GBP6: variants seen among roughly 807,000 people sequenced by gnomAD.
GBP6 encodes guanylate binding protein family member 6.
Under a neutral mutation model 61.5 loss-of-function variants are expected in GBP6, and 54 were observed. The ratio of observed to expected loss-of-function variants is 0.88; its 90% CI spans 0.71 to 1.10. The LOEUF is 1.10. Among genes scored for constraint, GBP6 ranks in the 50% least tolerant of loss-of-function variants. The probability of loss-of-function intolerance (pLI) is 0.00; values close to 1 mark genes in which losing one functional copy is unlikely to be tolerated. For synonymous variants in GBP6, 255 were observed against 273.7 expected, an observed-to-expected ratio of 0.93 and a Z score of 0.67; for missense variants, 748 against 752.8, an observed-to-expected ratio of 0.99 and a Z score of 0.07.
Position 89,384,107 on chromosome 1 carries a change from A to G in GBP6, c.1483A>G (p.Lys495Glu). ...EKAVAVDRAKKEAAEKEQELL... is the reference protein window; with the variant it reads ...EKAVAVDRAKEEAAEKEQELL... ...TCATGGAGCAGTGGATCGGGCCAAGAAGGAGGCAGCTGAGAAGGAACAGGA... is the reference window on the plus strand; with the variant it reads ...TCATGGAGCAGTGGATCGGGCCAAGGAGGAGGCAGCTGAGAAGGAACAGGA... Residue 495 changes from lysine (K) to glutamate (E), a missense_variant, in exon 10 of 11, where the codon AAG becomes GAG. By Grantham distance (56) the Lys-to-Glu change is moderately conservative. Transcript: ENST00000370456. 1 of 1,612,290 alleles carries G rather than the reference A, an allele frequency of 6.2e-7. No individual in the cohort carries two copies. The highest frequency in any genetic ancestry group is 8.5e-7 in the Non-Finnish European group (1 of 1,179,278).
rs747553700 is a variant in GBP6, at chr1:89,383,693, G to A, written c.1407G>A (p.Val469=). The part of the protein sequence containing the change: ...VFQRFLESQM[V]IEESILQSDK... ...AGAGGTTCCTGGAGTCACAGATGGT[G>A]ATAGAGGAATCCATCTTGCAGTCAG... Residue 469 remains valine, a synonymous_variant, in exon 9 of 11, where the codon GTG becomes GTA. Coordinates refer to ENST00000370456, the MANE Select transcript of GBP6 (RefSeq NM_198460.3). 10 of 1,612,706 alleles carry A rather than the reference G, an allele frequency of 6.2e-6. No homozygotes were observed. Among genetic ancestry groups the A allele is most frequent in the Non-Finnish European group, 7.6e-6 (9 of 1,179,710 alleles).
At chr1:89,379,724 T>C (rs1213605502) in intron 5 of GBP6, among the ~76,000 whole-genome samples, 1 of 152,258 alleles carries the variant, frequency 6.6e-6, no homozygotes, top group Non-Finnish European at 1.5e-5. Flanking sequence ...TCGTTGTTGC[T>C]TTCATTTTTC....
intron 3 of GBP6, among the ~76,000 whole-genome samples, chr1:89,370,504 T>G (rs769092290): frequency 9.9e-5 from 15 of 152,222 alleles, no homozygotes; most frequent in Non-Finnish European, 2.1e-4. Flanking sequence ...ATAAACATTA[T>G]AAGATGAATT....
chr1:89,385,484 G>A lies in GBP6; in HGVS notation c.*15G>A. 1.2e-6 allele frequency: 2 copies of A among 1,606,784 alleles called. No individual in the cohort carries two copies. The highest frequency in any genetic ancestry group is 4.5e-5 in the East Asian group (2 of 44,736). On this transcript the variant is annotated 3_prime_UTR_variant, in exon 11 of 11. Transcript: ENST00000370456. Reference sequence around the variant, plus strand: ...TCCCCTTTTAAGGATATTATAGATTGTACATATATGCTTTGGACTATTTTT... The same window carrying A: ...TCCCCTTTTAAGGATATTATAGATTATACATATATGCTTTGGACTATTTTT...
In GBP6 at chr1:89,385,442, C is replaced by T; in HGVS notation, c.1875C>T (p.Leu625=). ...ATGGTGTCAAAGGTGTGAGCTCACT[C>T]TTTAAAAAGCATAAGCTCCCCTTTT... is the stretch of plus-strand genomic sequence containing the variant. ...IGHGVKGVSS[L]FKKHKLPF is the part of the protein sequence containing the mutation. The change falls in exon 11 of 11, where the codon CTC becomes CTT. Residue 625 remains leucine, a synonymous_variant. Transcript: ENST00000370456. The T allele has an allele frequency of 6.2e-7, 1 of 1,613,864 alleles. No individual in the cohort carries two copies. The highest frequency in any genetic ancestry group is 8.5e-7 in the Non-Finnish European group (1 of 1,179,924).
At position 89,382,728 on chromosome 1, in the gene GBP6, G is replaced by A. The variant is rs748171558; in HGVS notation, c.1217G>A (p.Cys406Tyr). The change falls in exon 8 of 11, where the codon TGC becomes TAC. Residue 406 changes from cysteine (C) to tyrosine (Y), a missense_variant. Coordinates refer to ENST00000370456, the MANE Select transcript of GBP6 (RefSeq NM_198460.3). ...LQNEESSVQY[C>Y]QAKLNELSKG... Reference sequence around the variant, plus strand: ...AATGAAGAGTCATCTGTTCAATACTGCCAGGCTAAACTCAATGAGCTCTCA... The same window carrying A: ...AATGAAGAGTCATCTGTTCAATACTACCAGGCTAAACTCAATGAGCTCTCA... 16 of 1,614,100 alleles carry A rather than the reference G, an allele frequency of 9.9e-6. No individual in the cohort carries two copies. The highest frequency in any genetic ancestry group is 1.4e-5 in the Non-Finnish European group (16 of 1,179,972).
intron 1 of GBP6, among the ~76,000 whole-genome samples, chr1:89,367,600 T>G (rs1402035769): frequency 2.0e-5 from 3 of 152,236 alleles, no homozygotes; most frequent in Non-Finnish European, 2.9e-5. Context: ...TTCCATAGAT[T>G]GCCTTTTTAC....
intron 3 of GBP6, among the ~76,000 whole-genome samples, chr1:89,375,607 T>TC (rs1652783675): frequency 6.6e-6 from 1 of 151,948 alleles, no homozygotes; most frequent in African/African-American, 2.4e-5. Flanking sequence ...ATAAGGATTT[T>TC]TTTTTGCTAT....
At chr1:89,368,765 G>T (rs746387132) in intron 2 of GBP6, 24 bp downstream of exon 2, 4 of 1,592,296 alleles carry the variant, frequency 2.5e-6, no homozygotes, top group South Asian at 1.1e-5. Context: ...TGGGACACAG[G>T]CCAGTTGCTT....
Position 89,380,390 on chromosome 1 carries a change from TA to T in GBP6, c.632del (p.Asn211IlefsTer36), listed in dbSNP as rs1652934578. The T allele has an allele frequency of 6.2e-7, 1 of 1,612,744 alleles. No homozygotes were observed. Among genetic ancestry groups the T allele is most frequent in the Non-Finnish European group, 8.5e-7 (1 of 1,179,068 alleles). ...CTGTTTTTTTTTATCCCTCAGGCAA[TA>T]ATCCCAGAGTTCAAACATCCAATTT... Reference protein sequence around the residue: ...ENALKLIQGNNPRVQTSNFPR... With the variant: ...ENALKLIQGNXPRVQTSNFPR... On this transcript the variant is annotated frameshift_variant, in exon 6 of 11. Transcript: ENST00000370456. LOFTEE classifies it high-confidence loss of function.
chr1:89,370,711 T>C (rs1210681398), intron 3 of GBP6, among the ~76,000 whole-genome samples: 1 of 152,236 alleles, frequency 6.6e-6, no homozygotes, highest in Non-Finnish European at 1.5e-5. Flanking sequence ...AATTAAGCTG[T>C]ACAACTTAAT....
chr1:89,370,553 A>C (rs1652599599), intron 3 of GBP6, among the ~76,000 whole-genome samples: 2 of 152,142 alleles, frequency 1.3e-5, no homozygotes, highest in South Asian at 2.1e-4. Flanking sequence ...GAAATAAATA[A>C]TTTCTCTCTT....
chr1:89,372,764 C>T (rs1652681952), intron 3 of GBP6, among the ~76,000 whole-genome samples: 1 of 152,172 alleles, frequency 6.6e-6, no homozygotes, highest in African/African-American at 2.4e-5. Flanking sequence ...GCAAAGACTT[C>T]ATGTCTAAAA....
At chr1:89,380,008 C>G (rs1040207074) in intron 5 of GBP6, among the ~76,000 whole-genome samples, 11 of 152,086 alleles carry the variant, frequency 7.2e-5, no homozygotes, top group African/African-American at 2.4e-4. Context: ...TGTCATGGTG[C>G]ACACCTGTAG....
Position 89,378,458 on chromosome 1 carries a change from CCCCAAGG to C in GBP6, c.473_479del (p.Pro158LeufsTer4). The C allele has an allele frequency of 6.2e-7, 1 of 1,614,138 alleles. No individual in the cohort carries two copies. The highest frequency in any genetic ancestry group is 1.3e-5 in the African/African-American group (1 of 75,048). ...ACAGAACTAATTAAGGCAAAGTCCTCCCCAAGGCCTGATGGAGTAGAAGATTCCACAG... is the reference window on the plus strand; with the variant it reads ...ACAGAACTAATTAAGGCAAAGTCCTCCCTGATGGAGTAGAAGATTCCACAG... On this transcript the variant is annotated frameshift_variant, in exon 5 of 11. Coordinates refer to ENST00000370456, the MANE Select transcript of GBP6 (RefSeq NM_198460.3). LOFTEE classifies it high-confidence loss of function.
At chr1:89,379,480 C>T (rs534891377) in intron 5 of GBP6, among the ~76,000 whole-genome samples, 7 of 152,274 alleles carry the variant, frequency 4.6e-5, no homozygotes, top group African/African-American at 1.4e-4. Context: ...ATATCATCTA[C>T]AAAAATGATT....
chr1:89,372,142 C>A (rs1285210590), intron 3 of GBP6, among the ~76,000 whole-genome samples: 1 of 152,184 alleles, frequency 6.6e-6, no homozygotes, highest in African/African-American at 2.4e-5. Flanking sequence ...GAACTACAAA[C>A]CACTGTGCAA....
chr1:89,382,000 C>T (rs1011113689), intron 7 of GBP6, 26 bp downstream of exon 7: 8 of 1,571,066 alleles, frequency 5.1e-6, no homozygotes, highest in Non-Finnish European at 6.9e-6. Flanking sequence ...CATTACTGTT[C>T]ATCATCCTTC....
At chr1:89,381,320 T>A (rs1041898299) in intron 6 of GBP6, among the ~76,000 whole-genome samples, 4 of 150,964 alleles carry the variant, frequency 2.6e-5, no homozygotes, top group Non-Finnish European at 4.4e-5. Context: ...AGCCCATAAT[T>A]CCCTGAAAAT....
Sources: gnomAD v4.1 joint callset for allele counts (sites outside exome capture counted in the v4.1 genomes callset) on GRCh38, gnomAD v4.1.1 for gene constraint, MANE v1.5 for transcripts, NCBI Gene and HGNC (gene_info 2026-07-23, HGNC 2026-07-21) for gene names.